The following CAMK1D variants were observed in gnomAD, a reference collection of about 807,000 sequenced individuals.
CAMK1D encodes calcium/calmodulin-dependent protein kinase type 1D.
Under a neutral mutation model 47.7 loss-of-function variants are expected in CAMK1D, and 9 were observed. The ratio of observed to expected loss-of-function variants is 0.19; its 90% CI spans 0.11 to 0.33. CAMK1D has a LOEUF of 0.33. Among genes scored for constraint, CAMK1D ranks in the 10% least tolerant of loss-of-function variants. The pLI, the probability that CAMK1D is intolerant of heterozygous loss-of-function variation, is 1.00. For missense variants in CAMK1D, 291 were observed against 488.7 expected (o/e 0.60, Z 3.81); for synonymous variants, 184 against 184.9 (o/e 0.99, Z 0.04).
At chr10:12,498,371 G>A (rs1014748630) in intron 1 of CAMK1D, among the ~76,000 whole-genome samples, 1 of 152,216 alleles carries the variant, frequency 6.6e-6, no homozygotes, top group Non-Finnish European at 1.5e-5. Context: ...ATCTTAGAGT[G>A]AGCATCTGGC....
In CAMK1D at chr10:12,369,775, A is replaced by G. The variant is rs532539565; in HGVS notation, c.92+19865A>G. On this transcript the variant is annotated intron_variant, in intron 1 of 10. Coordinates refer to ENST00000619168, the MANE Select transcript of CAMK1D (RefSeq NM_153498.4). ...GGAGGTCAAGACCAGCCTGGCCAACATGGTGAAACCCCGTCTCTACAAATA... is the reference window on the plus strand; with the variant it reads ...GGAGGTCAAGACCAGCCTGGCCAACGTGGTGAAACCCCGTCTCTACAAATA... Among the ~76,000 whole-genome samples the G allele has an allele frequency of 3.2e-3, 492 of 152,194 alleles. 4 individuals are homozygous for G. Among genetic ancestry groups the G allele is most frequent in the African/African-American group, 0.011 (450 of 41,526 alleles).
intron 1 of CAMK1D, among the ~76,000 whole-genome samples, chr10:12,379,259 G>A (rs1838274593): frequency 6.6e-6 from 1 of 152,184 alleles, no homozygotes; most frequent in South Asian, 2.1e-4. Flanking sequence ...ATATAACGCT[G>A]TTTTGGCCTG....
chr10:12,743,967 G>C (rs772788706), intron 3 of CAMK1D, among the ~76,000 whole-genome samples: 3 of 151,352 alleles, frequency 2.0e-5, no homozygotes, highest in Non-Finnish European at 2.9e-5. Flanking sequence ...AGGTTGCAGT[G>C]AGCTGAGATC....
At chr10:12,713,749 C>A (rs1419382797) in intron 3 of CAMK1D, among the ~76,000 whole-genome samples, 1 of 152,166 alleles carries the variant, frequency 6.6e-6, no homozygotes, top group Non-Finnish European at 1.5e-5. Flanking sequence ...TGGATGGATG[C>A]CCCACAGCCC....
chr10:12,585,976 T>C (rs934941286), intron 2 of CAMK1D, among the ~76,000 whole-genome samples: 1 of 152,300 alleles, frequency 6.6e-6, no homozygotes, highest in Non-Finnish European at 1.5e-5. Context: ...CAGTGGCAGG[T>C]AAGCCACCAG....
At chr10:12,539,744 A>C (rs1440959887) in intron 1 of CAMK1D, among the ~76,000 whole-genome samples, 1 of 152,188 alleles carries the variant, frequency 6.6e-6, no homozygotes, top group Non-Finnish European at 1.5e-5. Flanking sequence ...GTGATGAACA[A>C]AGGGGGTATC....
intron 10 of CAMK1D, among the ~76,000 whole-genome samples, chr10:12,827,385 TCC>T (rs1491375862): frequency 2.0e-5 from 3 of 149,298 alleles, no homozygotes; most frequent in African/African-American, 4.9e-5. Context: ...TCTTTTTCTT[TCC>T]CTTCCTTCCT....
Position 12,622,826 on chromosome 10 carries a change from C to T in CAMK1D, c.225-43910C>T, listed in dbSNP as rs564663190. On this transcript the variant is annotated intron_variant, in intron 2 of 10. Transcript: ENST00000619168. Reference sequence around the variant, plus strand: ...GGGGAATTTTTCTTCCTGAAATAGCCTGAGTAGAGGGGAGGATGTAGGAGT... The same window carrying T: ...GGGGAATTTTTCTTCCTGAAATAGCTTGAGTAGAGGGGAGGATGTAGGAGT... 4.6e-5 allele frequency among the ~76,000 whole-genome samples: 7 copies of T among 152,080 alleles called. No individual in the cohort carries two copies. The South Asian group carries it at 1.5e-3, about 32-fold the overall frequency.
intron 2 of CAMK1D, among the ~76,000 whole-genome samples, chr10:12,663,450 G>A (rs1051542352): frequency 3.9e-5 from 6 of 152,142 alleles, no homozygotes; most frequent in Non-Finnish European, 7.4e-5. Flanking sequence ...TCAAATCTGT[G>A]CAGGATATAT....
At chr10:12,658,623 C>T (rs1380362359) in intron 2 of CAMK1D, among the ~76,000 whole-genome samples, 1 of 152,168 alleles carries the variant, frequency 6.6e-6, no homozygotes, top group Admixed American at 6.5e-5. Flanking sequence ...CTAGTGGGCA[C>T]ACACACAAAT....
chr10:12,789,178 T>C (rs1379375726), intron 5 of CAMK1D, among the ~76,000 whole-genome samples: 1 of 152,236 alleles, frequency 6.6e-6, no homozygotes, highest in Non-Finnish European at 1.5e-5. Flanking sequence ...CCAACACAAA[T>C]TCGTAAATTT....
intron 3 of CAMK1D, among the ~76,000 whole-genome samples, chr10:12,715,106 T>C (rs1834078304): frequency 6.6e-6 from 1 of 152,168 alleles, no homozygotes; most frequent in African/African-American, 2.4e-5. Context: ...AGACGCCCCC[T>C]ACACCCTTCC....
At chr10:12,512,959 G>A (rs534044352) in intron 1 of CAMK1D, among the ~76,000 whole-genome samples, 5 of 152,220 alleles carry the variant, frequency 3.3e-5, no homozygotes, top group South Asian at 2.1e-4. Flanking sequence ...TTTCCGAGCC[G>A]AATTAACAGC....
intron 2 of CAMK1D, among the ~76,000 whole-genome samples, chr10:12,632,782 A>G (rs1313056214): frequency 6.6e-6 from 1 of 151,038 alleles, no homozygotes. Context: ...GCAACCTCCA[A>G]CTCCCTGGTT....
intron 1 of CAMK1D, among the ~76,000 whole-genome samples, chr10:12,504,524 G>A (rs1480481053): frequency 6.6e-6 from 1 of 152,138 alleles, no homozygotes; most frequent in East Asian, 1.9e-4. Context: ...CCACATCGGT[G>A]AGGGTGAACC....
intron 3 of CAMK1D, among the ~76,000 whole-genome samples, chr10:12,671,055 G>A (rs1488085577): frequency 1.3e-5 from 2 of 151,362 alleles, no homozygotes; most frequent in East Asian, 1.9e-4. Context: ...TATACAACAT[G>A]TGATCTTTCG....
rs544797598 is a variant in CAMK1D, at chr10:12,748,707, A to C, written c.300-12241A>C. Among the ~76,000 whole-genome samples, 10 of 152,336 alleles carry C rather than the reference A, an allele frequency of 6.6e-5. No individual in the cohort carries two copies. The East Asian group carries it at 1.9e-3, about 29-fold the overall frequency. On this transcript the variant is annotated intron_variant, in intron 3 of 10. Coordinates refer to ENST00000619168, the MANE Select transcript of CAMK1D (RefSeq NM_153498.4). ...CAGTGACCATAGCAGGGAGAGCCCC[A>C]AAATGTCCATTAGTCCATCAGTGGG... is the stretch of plus-strand genomic sequence containing the variant.
At chr10:12,694,777 C>G (rs1215266065) in intron 3 of CAMK1D, among the ~76,000 whole-genome samples, 1 of 151,278 alleles carries the variant, frequency 6.6e-6, no homozygotes, top group Non-Finnish European at 1.5e-5. Context: ...TAAAGGCCTA[C>G]AAAGGAACAG....
chr10:12,416,155 GT>G (rs889454426), intron 1 of CAMK1D, among the ~76,000 whole-genome samples: 17 of 147,490 alleles, frequency 1.2e-4, no homozygotes, highest in Admixed American at 4.7e-4. Flanking sequence ...TATTATTCTT[GT>G]TTTTTTTTTA....
Sources: allele counts gnomAD v4.1 joint callset (sites outside exome capture counted in the v4.1 genomes callset), GRCh38; gene constraint gnomAD v4.1.1; transcripts MANE v1.5; gene names NCBI Gene and HGNC (gene_info 2026-07-23, HGNC 2026-07-21).